Variants in AGAP1 observed in about 807,000 individuals in gnomAD.
AGAP1 encodes the protein ArfGAP with GTPase domain, ankyrin repeat and PH domain 1.
AGAP1 carries 29 observed loss-of-function variants against 105.3 expected under a neutral mutation model. That is an observed-to-expected ratio of 0.28 (90% confidence interval 0.21 to 0.38). The LOEUF (loss-of-function observed/expected upper bound fraction) is 0.38, where lower values mean the gene tolerates loss of function less well. Among genes scored for constraint, AGAP1 ranks in the 10% least tolerant of loss-of-function variants. AGAP1 has a pLI of 1.00. For synonymous variants in AGAP1, 509 were observed against 485.9 expected (o/e 1.05, Z -0.63); for missense variants, 998 against 1,165.1 (o/e 0.86, Z 2.09).
At chr2:235,941,831 G>T (rs2053269462) in intron 12 of AGAP1, among the ~76,000 whole-genome samples, 1 of 121,542 alleles carries the variant, frequency 8.2e-6, no homozygotes, top group Non-Finnish European at 1.7e-5. Flanking sequence ...GGTGTGTGCG[G>T]CTATGGAGCT....
At position 236,128,685 on chromosome 2, in the gene AGAP1, C is replaced by T. The variant is rs1332801541; in HGVS notation, c.*4563C>T. The stretch of plus-strand genomic sequence containing the variant: ...TCTCCCTCCCTGCACTTAGGATGTT[C>T]TGGAAATGAGAGGAAATCCACATTC... On this transcript the variant is annotated 3_prime_UTR_variant, in exon 18 of 18. Coordinates refer to ENST00000304032, the MANE Select transcript of AGAP1 (RefSeq NM_001037131.3). The surrounding 1 kb of genome is among the most constrained non-coding windows in gnomAD (Gnocchi z 5.9). 1.3e-5 allele frequency: 2 copies of T among 152,204 alleles called. No homozygotes were observed. The highest frequency in any genetic ancestry group is 3.9e-4 in the East Asian group (2 of 5,190). 9.4% of individuals were successfully genotyped at this position (152,204 alleles called of 1,614,324 possible).
intron 1 of AGAP1, among the ~76,000 whole-genome samples, chr2:235,681,550 C>T (rs1211875941): frequency 6.6e-6 from 1 of 152,166 alleles, no homozygotes; most frequent in South Asian, 2.1e-4. Context: ...TTTCAAAGAC[C>T]TGTTAAAGTT....
chr2:235,715,521 T>C (rs992612719), intron 2 of AGAP1, among the ~76,000 whole-genome samples: 1 of 152,186 alleles, frequency 6.6e-6, no homozygotes, highest in African/African-American at 2.4e-5. Context: ...GGCAAGTTCA[T>C]GGACCTGCTG....
At chr2:235,952,646 C>T (rs886505708) in intron 12 of AGAP1, among the ~76,000 whole-genome samples, 2 of 152,128 alleles carry the variant, frequency 1.3e-5, no homozygotes, top group African/African-American at 4.8e-5. Flanking sequence ...TGTTCCACTA[C>T]TATTTCCCCA....
At chr2:235,605,389 A>G (rs1364047038) in intron 1 of AGAP1, among the ~76,000 whole-genome samples, 1 of 152,222 alleles carries the variant, frequency 6.6e-6, no homozygotes, top group Non-Finnish European at 1.5e-5. Context: ...GCTAATACCC[A>G]GAGAGCAGAA....
intron 16 of AGAP1, among the ~76,000 whole-genome samples, chr2:236,098,158 G>A (rs1401827938): frequency 6.6e-6 from 1 of 152,192 alleles, no homozygotes; most frequent in Non-Finnish European, 1.5e-5. Flanking sequence ...ACATACAAAT[G>A]TCTATTTCAG....
At chr2:236,049,026 A>G (rs2057815356) in intron 15 of AGAP1, 33 bp from the exon 16 acceptor site, 2 of 1,583,978 alleles carry the variant, frequency 1.3e-6, no homozygotes, top group Non-Finnish European at 8.6e-7. Flanking sequence ...TGATGGTCTG[A>G]TTGCGTTTAG....
intron 6 of AGAP1, among the ~76,000 whole-genome samples, chr2:235,785,473 A>T (rs1057427236): frequency 3.9e-5 from 6 of 152,220 alleles, no homozygotes; most frequent in African/African-American, 1.4e-4. Flanking sequence ...TTTACGTCTT[A>T]CATTTTCCCT....
chr2:235,669,963 C>T (rs1009406071), intron 1 of AGAP1: 6 of 201,456 alleles, frequency 3.0e-5, no homozygotes, highest in African/African-American at 9.4e-5. Flanking sequence ...GCGCCGTCCC[C>T]GCAGCCTGAG....
In AGAP1 at chr2:236,092,089, AC is replaced by A. The variant is rs2125873385; in HGVS notation, c.2115-28102del. On this transcript the variant is annotated intron_variant, in intron 16 of 17. Transcript: ENST00000304032. This position sits in a 1 kb window ranked among gnomAD's most constrained non-coding sequence, Gnocchi z 4.7. ...TATTACAGAATTACGGAGCTAGAGA[AC>A]AGGTTAGTGGTTGTCCAGGGTTAGG... Among the ~76,000 whole-genome samples the A allele has an allele frequency of 6.6e-6, 1 of 152,316 alleles. No individual in the cohort carries two copies. Among genetic ancestry groups the A allele is most frequent in the East Asian group, 1.9e-4 (1 of 5,180 alleles).
rs553099055 is a variant in AGAP1 at position 235,663,221 on chromosome 2, A to G, written c.164-45958A>G. Reference sequence around the variant, plus strand: ...CTACTTGGGAGGCTGAGGCAGGAGAATTGCTTGAACCTGGGAGACAGAGGT... The same window carrying G: ...CTACTTGGGAGGCTGAGGCAGGAGAGTTGCTTGAACCTGGGAGACAGAGGT... On this transcript the variant is annotated intron_variant, in intron 1 of 17. Coordinates refer to ENST00000304032, the MANE Select transcript of AGAP1 (RefSeq NM_001037131.3). This position sits in a 1 kb window ranked among gnomAD's most constrained non-coding sequence, Gnocchi z 5.4. Among the ~76,000 whole-genome samples the G allele has an allele frequency of 3.9e-5, 6 of 152,198 alleles. No individual in the cohort carries two copies. The highest frequency in any genetic ancestry group is 3.3e-4 in the Admixed American group (5 of 15,292).
At chr2:236,010,212 A>G (rs913467510) in intron 13 of AGAP1, among the ~76,000 whole-genome samples, 1 of 152,204 alleles carries the variant, frequency 6.6e-6, no homozygotes. Context: ...AACCCAGATG[A>G]AAAGCTGTAG....
At position 235,826,882 on chromosome 2, in the gene AGAP1, A is replaced by C. The variant is rs534726975; in HGVS notation, c.1050+19551A>C. ...CTAAAACACACAAATTTGGCCAAAC[A>C]GCCTCCAAAGCAATGATTTCATATC... On this transcript the variant is annotated intron_variant, in intron 9 of 17. Coordinates refer to ENST00000304032, the MANE Select transcript of AGAP1 (RefSeq NM_001037131.3). 1.1e-3 allele frequency among the ~76,000 whole-genome samples: 170 copies of C among 152,324 alleles called. 1 individual carries two copies. Among genetic ancestry groups the C allele is most frequent in the South Asian group, 8.7e-3 (42 of 4,828 alleles).
chr2:235,760,733 A>T (rs1202663682), intron 6 of AGAP1, among the ~76,000 whole-genome samples: 3 of 152,176 alleles, frequency 2.0e-5, no homozygotes, highest in Non-Finnish European at 4.4e-5. Context: ...CTACTGGTGC[A>T]TGCCACCATG....
intron 1 of AGAP1, among the ~76,000 whole-genome samples, chr2:235,502,546 A>G (rs1388685099): frequency 6.6e-6 from 1 of 151,932 alleles, no homozygotes; most frequent in Admixed American, 6.6e-5. Context: ...TGCAAATTTC[A>G]CACTTCTCCC....
intron 9 of AGAP1, among the ~76,000 whole-genome samples, chr2:235,837,181 C>G (rs1960269181): frequency 6.6e-6 from 1 of 152,178 alleles, no homozygotes; most frequent in Admixed American, 6.5e-5. Context: ...GACAGGCTTT[C>G]TCTATGTTGG....
rs2057590507 is a variant in AGAP1, at chr2:236,042,751, C to T, written c.1891+1910C>T. Among the ~76,000 whole-genome samples the T allele has an allele frequency of 6.6e-6, 1 of 151,974 alleles. No homozygotes were observed. Among genetic ancestry groups the T allele is most frequent in the Admixed American group, 6.6e-5 (1 of 15,262 alleles). On this transcript the variant is annotated intron_variant, in intron 15 of 17. Coordinates refer to ENST00000304032, the MANE Select transcript of AGAP1 (RefSeq NM_001037131.3). The surrounding 1 kb of genome is among the most constrained non-coding windows in gnomAD (Gnocchi z 5.6). Reference sequence around the variant, plus strand: ...GAGGCCAGTGCAGGGGAGGTGTGGGCCAGTTTGTTCTGAGCAAGACCACCT... The same window carrying T: ...GAGGCCAGTGCAGGGGAGGTGTGGGTCAGTTTGTTCTGAGCAAGACCACCT...
At position 235,882,810 on chromosome 2, in the gene AGAP1, T is replaced by G. The variant is rs1487421126; in HGVS notation, c.1051-535T>G. 1.3e-5 allele frequency among the ~76,000 whole-genome samples: 2 copies of G among 151,954 alleles called. No homozygotes were observed. The highest frequency in any genetic ancestry group is 2.9e-5 in the Non-Finnish European group (2 of 67,970). The stretch of plus-strand genomic sequence containing the variant: ...AGTTTTTTTAGTTTGTTCTTTCTTT[T>G]TCTCTTTGTCTCTCCTCTCTCTTTC... On this transcript the variant is annotated intron_variant, in intron 9 of 17. Transcript: ENST00000304032. This position sits in a 1 kb window ranked among gnomAD's most constrained non-coding sequence, Gnocchi z 4.6.
In AGAP1 at chr2:236,020,289, G is replaced by A. The variant is rs1263547225; in HGVS notation, c.1646-16272G>A. ...GTACTCAAGCACCCAGATTCTCTCT[G>A]TTTTCAAAGAAAATTGCAGTGTTTG... is the stretch of plus-strand genomic sequence containing the variant. On this transcript the variant is annotated intron_variant, in intron 13 of 17. Coordinates refer to ENST00000304032, the MANE Select transcript of AGAP1 (RefSeq NM_001037131.3). This position sits in a 1 kb window ranked among gnomAD's most constrained non-coding sequence, Gnocchi z 5.0. Among the ~76,000 whole-genome samples, 2 of 152,174 alleles carry A rather than the reference G, an allele frequency of 1.3e-5. No homozygotes were observed. The highest frequency in any genetic ancestry group is 2.9e-5 in the Non-Finnish European group (2 of 68,044).
Sources: allele counts gnomAD v4.1 joint callset (sites outside exome capture counted in the v4.1 genomes callset), GRCh38; gene constraint gnomAD v4.1.1; non-coding constraint Gnocchi (gnomAD v3.1); transcripts MANE v1.5; gene names NCBI Gene and HGNC (gene_info 2026-07-23, HGNC 2026-07-21).